Variants in GRAMD1B observed in about 807,000 individuals in gnomAD.
The protein encoded by GRAMD1B is protein Aster-B.
GRAMD1B carries 37 observed loss-of-function variants against 99.7 expected under a neutral mutation model. The ratio of observed to expected loss-of-function variants is 0.37; its 90% confidence interval spans 0.29 to 0.49. The LOEUF (loss-of-function observed/expected upper bound fraction) is 0.49, where lower values mean the gene tolerates loss of function less well. Among genes scored for constraint, GRAMD1B ranks in the 20% least tolerant of loss-of-function variants. GRAMD1B has a pLI of 0.98. For missense variants in GRAMD1B, 888 were observed against 1,009.2 expected, an observed-to-expected ratio of 0.88 and a Z score of 1.63; for synonymous variants, 427 against 387.6, an observed-to-expected ratio of 1.10 and a Z score of -1.19.
chr11:123,599,252 TA>T, intron 7 of GRAMD1B: 1 of 747,336 alleles, frequency 1.3e-6, no homozygotes, highest in Non-Finnish European at 2.5e-6. Flanking sequence ...CCTCCTTTCG[TA>T]ATCCATCCTT....
Position 123,417,827 on chromosome 11 carries a change from C to T in GRAMD1B, c.-176+59028C>T, listed in dbSNP as rs150805591. ...TAGTGTGTGCCTATAATTCCAGCTA[C>T]TCGGGAGGCTGAGTATAAGATCACT... On this transcript the variant is annotated intron_variant, in intron 1 of 20. Transcript: ENST00000638157. Among the ~76,000 whole-genome samples, 3 of 152,272 alleles carry T rather than the reference C, an allele frequency of 2.0e-5. No homozygotes were observed. In the East Asian group the frequency reaches 5.8e-4, roughly 29 times the overall value.
At chr11:123,436,007 A>G (rs577255382) in intron 1 of GRAMD1B, among the ~76,000 whole-genome samples, 2 of 143,490 alleles carry the variant, frequency 1.4e-5, no homozygotes, top group Non-Finnish European at 3.0e-5. Flanking sequence ...CAGTGGCTCA[A>G]TCTCGGCTCA....
chr11:123,466,511 C>T (rs7107803), intron 1 of GRAMD1B, among the ~76,000 whole-genome samples: 44,692 of 151,936 alleles, frequency 0.29, 6,770 homozygotes, highest in Admixed American at 0.38. Flanking sequence ...AAAAGATTGA[C>T]TGACTGATTT....
intron 2 of GRAMD1B, among the ~76,000 whole-genome samples, chr11:123,549,191 A>G (rs755089422): frequency 3.3e-5 from 5 of 152,174 alleles, no homozygotes; most frequent in African/African-American, 7.2e-5. Flanking sequence ...TTCACTTCCT[A>G]TGGCCACAGA....
At chr11:123,485,138 G>C (rs1255071471) in intron 2 of GRAMD1B, among the ~76,000 whole-genome samples, 1 of 152,034 alleles carries the variant, frequency 6.6e-6, no homozygotes, top group Admixed American at 6.5e-5. Flanking sequence ...AGGATGAGGT[G>C]GATATTATGG....
chr11:123,605,516 T>C, intron 10 of GRAMD1B, 38 bp downstream of exon 10: 1 of 1,551,186 alleles, frequency 6.4e-7, no homozygotes, highest in Non-Finnish European at 8.8e-7. Context: ...CCCCCAGTCC[T>C]GTGGCCAGCG....
At position 123,586,148 on chromosome 11, in the gene GRAMD1B, G is replaced by C. The variant is rs542401983; in HGVS notation, c.684+1816G>C. Among the ~76,000 whole-genome samples the C allele has an allele frequency of 6.6e-5, 10 of 152,264 alleles. No homozygotes were observed. In the South Asian group the frequency reaches 1.7e-3, roughly 25 times the overall value. ...TCAGCATAGCGATGGGGTAGAAGCA[G>C]ATGCTGTCTCTTGGCTGGAGGATGG... is the stretch of plus-strand genomic sequence containing the variant. On this transcript the variant is annotated intron_variant, in intron 4 of 19. Coordinates refer to ENST00000635736, the MANE Select transcript of GRAMD1B (RefSeq NM_001387025.1).
Position 123,367,978 on chromosome 11 carries a change from G to A in GRAMD1B, c.-176+9179G>A, listed in dbSNP as rs139672703. Reference sequence around the variant, plus strand: ...GGGAGAAAGAGGAGGAGCCAGGGCCGGGCACGGTGGCTCACACCTGTAATC... The same window carrying A: ...GGGAGAAAGAGGAGGAGCCAGGGCCAGGCACGGTGGCTCACACCTGTAATC... On this transcript the variant is annotated intron_variant, in intron 1 of 20. Coordinates refer to the GRAMD1B transcript ENST00000638157. Among the ~76,000 whole-genome samples the A allele has an allele frequency of 5.7e-3, 862 of 152,054 alleles. 7 individuals carry two copies. Among genetic ancestry groups the A allele is most frequent in the Admixed American group, 0.019 (286 of 15,260 alleles).
At chr11:123,593,230 T>TAAACAAACAAACAAAC (rs372424623) in intron 4 of GRAMD1B, among the ~76,000 whole-genome samples, 1 of 151,502 alleles carries the variant, frequency 6.6e-6, no homozygotes, top group Non-Finnish European at 1.5e-5. Flanking sequence ...AGACTCTGTC[T>TAAACAAACAAACAAAC]AAACAAACAA....
In GRAMD1B at chr11:123,610,588, A is replaced by G. The variant is rs552139104; in HGVS notation, c.1919+250A>G. ...TTTATTGGTTGTCTGTGGCTTATACAGTATAGTGTAGGCGCTTTACCTACA... is the reference window on the plus strand; with the variant it reads ...TTTATTGGTTGTCTGTGGCTTATACGGTATAGTGTAGGCGCTTTACCTACA... On this transcript the variant is annotated intron_variant, in intron 14 of 19. Transcript: ENST00000635736. This position sits in a 1 kb window ranked among gnomAD's most constrained non-coding sequence, Gnocchi z 4.1. Among the ~76,000 whole-genome samples, 66 of 152,354 alleles carry G rather than the reference A, an allele frequency of 4.3e-4. No individual in the cohort carries two copies. The South Asian group carries it at 5.0e-3, about 11-fold the overall frequency.
At chr11:123,501,119 A>G (rs2135163219) in intron 2 of GRAMD1B, among the ~76,000 whole-genome samples, 1 of 152,246 alleles carries the variant, frequency 6.6e-6, no homozygotes, top group South Asian at 2.1e-4. Context: ...TGTTGGTAGC[A>G]TAGGTAGGAT....
rs1350013511 is a variant in GRAMD1B, at chr11:123,598,463, G to A, written c.970-2005G>A. On this transcript the variant is annotated intron_variant, in intron 7 of 19. Transcript: ENST00000635736. ...GTCGCTGTTCTCCGAGAATCTCTACGTATTCATAGATTTGGGCTTCTAGAA... is the reference window on the plus strand; with the variant it reads ...GTCGCTGTTCTCCGAGAATCTCTACATATTCATAGATTTGGGCTTCTAGAA... 4.0e-6 allele frequency: 4 copies of A among 1,009,314 alleles called. No homozygotes were observed. In the Admixed American group the frequency reaches 5.1e-5, roughly 13 times the overall value. The allele number at this position is 1,009,314 out of a possible 1,614,324, so 62.5% of individuals were successfully genotyped here. A position where few individuals can be genotyped will look rare whatever the true frequency, so the allele number is the denominator to read the frequency against.
chr11:123,414,135 C>G (rs976145422), intron 1 of GRAMD1B, among the ~76,000 whole-genome samples: 6 of 151,824 alleles, frequency 4.0e-5, no homozygotes, highest in Non-Finnish European at 7.4e-5. Context: ...ACCTCCGCCT[C>G]CCAGGTTCAA....
chr11:123,609,119 T>A (rs1308697800), intron 12 of GRAMD1B, among the ~76,000 whole-genome samples: 1 of 152,010 alleles, frequency 6.6e-6, no homozygotes, highest in Non-Finnish European at 1.5e-5. Flanking sequence ...TGGCTCTCAC[T>A]CGCTGGCAGC....
At chr11:123,527,634 A>T (rs1224527963) in intron 2 of GRAMD1B, among the ~76,000 whole-genome samples, 4 of 152,140 alleles carry the variant, frequency 2.6e-5, no homozygotes, top group Non-Finnish European at 5.9e-5. Context: ...CCAGACCAGC[A>T]GCTAAAGCTC....
chr11:123,411,206 G>A (rs921208331), intron 1 of GRAMD1B, among the ~76,000 whole-genome samples: 4 of 151,924 alleles, frequency 2.6e-5, no homozygotes, highest in African/African-American at 4.8e-5. Context: ...GTATTTCACC[G>A]TGTTAGCCAG....
Position 123,473,313 on chromosome 11 carries a change from C to A in GRAMD1B, c.375-7503C>A, listed in dbSNP as rs535361055. ...TCCTGACCTCAGGTGATCTGCCCAC[C>A]TCGGCCTCCCAAAGTGCTGGGATTA... is the stretch of plus-strand genomic sequence containing the variant. On this transcript the variant is annotated intron_variant, in intron 1 of 19. Coordinates refer to ENST00000635736, the MANE Select transcript of GRAMD1B (RefSeq NM_001387025.1). Among the ~76,000 whole-genome samples, 4 of 152,318 alleles carry A rather than the reference C, an allele frequency of 2.6e-5. No individual in the cohort carries two copies. The South Asian group carries it at 8.3e-4, about 32-fold the overall frequency.
At chr11:123,476,236 G>C (rs1010099177) in intron 1 of GRAMD1B, among the ~76,000 whole-genome samples, 1 of 152,060 alleles carries the variant, frequency 6.6e-6, no homozygotes, top group African/African-American at 2.4e-5. Flanking sequence ...GAGTAGCTGG[G>C]ATTATAGGCG....
intron 2 of GRAMD1B, among the ~76,000 whole-genome samples, chr11:123,489,960 T>C (rs1466530857): frequency 2.0e-5 from 3 of 152,164 alleles, no homozygotes; most frequent in East Asian, 3.9e-4. Flanking sequence ...GAGGATCACT[T>C]GAAGCTAGGA....
Sources: allele counts gnomAD v4.1 joint callset (sites outside exome capture counted in the v4.1 genomes callset), GRCh38; gene constraint gnomAD v4.1.1; non-coding constraint Gnocchi (gnomAD v3.1); transcripts MANE v1.5; gene names NCBI Gene and HGNC (gene_info 2026-07-23, HGNC 2026-07-21).